ZBTB20: variants seen among roughly 807,000 people sequenced by gnomAD.
ZBTB20 encodes the protein zinc finger and BTB domain containing 20.
Under a neutral mutation model 56.9 loss-of-function variants are expected in ZBTB20, and 9 were observed. That is an observed-to-expected ratio of 0.16 (90% CI 0.10 to 0.28). The LOEUF is 0.28. Ranked by LOEUF, ZBTB20 falls within the 10% of genes least tolerant of loss-of-function variation. ZBTB20 has a pLI of 1.00. For synonymous variants in ZBTB20, 417 were observed against 420.7 expected (o/e 0.99, Z 0.11); for missense variants, 655 against 1,003.0 (o/e 0.65, Z 4.69).
intron 10 of ZBTB20, among the ~76,000 whole-genome samples, chr3:114,372,553 G>T (rs2083149908): frequency 6.6e-6 from 1 of 152,220 alleles, no homozygotes; most frequent in South Asian, 2.1e-4. Flanking sequence ...TCTGAGCCAG[G>T]TGTGGTGGCT....
chr3:114,499,940 A>G (rs751963702), intron 7 of ZBTB20, among the ~76,000 whole-genome samples: 5 of 152,228 alleles, frequency 3.3e-5, no homozygotes, highest in Non-Finnish European at 7.3e-5. Context: ...GCTCTGATCT[A>G]GAAGTTAAAA....
intron 6 of ZBTB20, among the ~76,000 whole-genome samples, chr3:114,623,130 A>G (rs13317384): frequency 0.18 from 26,648 of 152,184 alleles, 2,580 homozygotes; most frequent in Admixed American, 0.26. Flanking sequence ...GTAAGATGGA[A>G]TACCTCTAGA....
At chr3:114,919,451 T>C (rs544761028) in intron 3 of ZBTB20, among the ~76,000 whole-genome samples, 45 of 152,208 alleles carry the variant, frequency 3.0e-4, no homozygotes, top group African/African-American at 1.1e-3. Context: ...CTCATGCCTG[T>C]AATCCCAGCA....
rs943407099 is a variant in ZBTB20, at chr3:114,571,483, T to A, written c.-294-71092A>T. On this transcript the variant is annotated intron_variant, in intron 6 of 11. Coordinates refer to ENST00000675478, the MANE Select transcript of ZBTB20 (RefSeq NM_001348800.3). ...TTTTCCCAATTGACTCTGCCTTCCCTATTCTTTTTTTCTGCCTTCAGCGGG... is the reference window on the plus strand; with the variant it reads ...TTTTCCCAATTGACTCTGCCTTCCCAATTCTTTTTTTCTGCCTTCAGCGGG... Among the ~76,000 whole-genome samples the A allele has an allele frequency of 2.0e-5, 3 of 152,150 alleles. No individual in the cohort carries two copies. In the South Asian group the frequency reaches 6.2e-4, roughly 32 times the overall value.
Position 114,875,125 on chromosome 3 carries a change from C to T in ZBTB20, c.-417+25179G>A, listed in dbSNP as rs532439948. ...CCCATCTAGCTATGCCATTCACCGC[C>T]AGCACCTCTGCTCTCCTCGTGTGCT... On this transcript the variant is annotated intron_variant, in intron 4 of 11. Coordinates refer to ENST00000675478, the MANE Select transcript of ZBTB20 (RefSeq NM_001348800.3). 3.2e-4 allele frequency among the ~76,000 whole-genome samples: 48 copies of T among 152,250 alleles called. 1 individual carries two copies. The South Asian group carries it at 1.0e-2, about 32-fold the overall frequency.
At chr3:114,429,558 T>C (rs572121712) in intron 7 of ZBTB20, among the ~76,000 whole-genome samples, 23 of 152,270 alleles carry the variant, frequency 1.5e-4, no homozygotes, top group African/African-American at 5.5e-4. Context: ...TGAGAGGGTA[T>C]TGAGGTTGAG....
intron 7 of ZBTB20, among the ~76,000 whole-genome samples, chr3:114,446,854 T>G (rs377735599): frequency 5.6e-4 from 86 of 152,320 alleles, no homozygotes; most frequent in African/African-American, 1.9e-3. Context: ...CTTTTGGTAC[T>G]AAAGCCAAGA....
At position 115,105,417 on chromosome 3, in the gene ZBTB20, TTA is replaced by T. The variant is rs1303540310; in HGVS notation, c.-702-34005_-702-34004del. On this transcript the variant is annotated intron_variant, in intron 1 of 11. Transcript: ENST00000675478. ...GAACCCAGCCTGTCTAGCTTAGAGTTTATGTGTTTAATCCCTACACTATACTG... is the reference window on the plus strand; with the variant it reads ...GAACCCAGCCTGTCTAGCTTAGAGTTTGTGTTTAATCCCTACACTATACTG... 2.0e-5 allele frequency among the ~76,000 whole-genome samples: 3 copies of T among 152,110 alleles called. No individual in the cohort carries two copies. In the East Asian group the frequency reaches 5.8e-4, roughly 29 times the overall value.
At chr3:114,942,371 T>C (rs1247253747) in intron 3 of ZBTB20, among the ~76,000 whole-genome samples, 3 of 146,034 alleles carry the variant, frequency 2.1e-5, no homozygotes, top group Non-Finnish European at 4.4e-5. Context: ...GCAAATAAAC[T>C]TTTTGTACTC....
intron 6 of ZBTB20, among the ~76,000 whole-genome samples, chr3:114,539,064 T>G (rs2048810815): frequency 6.6e-6 from 1 of 152,162 alleles, no homozygotes. Flanking sequence ...TTTTAAATTT[T>G]GACATTTGGA....
At chr3:115,088,973 C>G (rs2083090671) in intron 1 of ZBTB20, among the ~76,000 whole-genome samples, 1 of 151,858 alleles carries the variant, frequency 6.6e-6, no homozygotes, top group Admixed American at 6.6e-5. Context: ...TTATTCACTT[C>G]AACTGATTTC....
chr3:114,959,073 C>T (rs1261745579), intron 3 of ZBTB20, among the ~76,000 whole-genome samples: 1 of 152,142 alleles, frequency 6.6e-6, no homozygotes, highest in Non-Finnish European at 1.5e-5. Flanking sequence ...GTCTCAACTA[C>T]TTTCCTTCCA....
chr3:114,979,372 G>GT lies in ZBTB20; in HGVS notation c.-506-4957dup, dbSNP rs2078239190. Among the ~76,000 whole-genome samples, 3 of 151,926 alleles carry GT rather than the reference G, an allele frequency of 2.0e-5. No individual in the cohort carries two copies. The South Asian group carries it at 6.2e-4, about 31-fold the overall frequency. On this transcript the variant is annotated intron_variant, in intron 2 of 11. Coordinates refer to ENST00000675478, the MANE Select transcript of ZBTB20 (RefSeq NM_001348800.3). The stretch of plus-strand genomic sequence containing the variant: ...TAGTATAAATTTCAATTAAGTAAAA[G>GT]TTTAAAGTAAGCAAATTTTAAGTAG...
At chr3:115,104,351 C>T (rs1219906721) in intron 1 of ZBTB20, among the ~76,000 whole-genome samples, 1 of 152,106 alleles carries the variant, frequency 6.6e-6, no homozygotes, top group African/African-American at 2.4e-5. Context: ...GGTATTTATG[C>T]AAAGGAATTG....
At chr3:114,613,814 G>C (rs1243181391) in intron 6 of ZBTB20, among the ~76,000 whole-genome samples, 3 of 152,110 alleles carry the variant, frequency 2.0e-5, no homozygotes, top group Non-Finnish European at 4.4e-5. Context: ...TATTAACCAT[G>C]ATCCTATAGC....
chr3:114,769,868 G>A (rs1285035856), intron 5 of ZBTB20, among the ~76,000 whole-genome samples: 1 of 151,922 alleles, frequency 6.6e-6, no homozygotes. Context: ...AGACCAGCCT[G>A]GCCCACATGG....
Position 114,333,231 on chromosome 3 carries a change from A to C in ZBTB20, c.*5774T>G, listed in dbSNP as rs1192303310. 1 of 152,194 alleles carries C rather than the reference A, an allele frequency of 6.6e-6. No individual in the cohort carries two copies. Among genetic ancestry groups the C allele is most frequent in the Non-Finnish European group, 1.5e-5 (1 of 68,030 alleles). 9.4% of individuals were successfully genotyped at this position (152,194 alleles called of 1,614,324 possible). ...GTCACCACAGCCTTTTTTCTTGTAA[A>C]GGTTTAAGTGATATCAGAAATAGCA... On this transcript the variant is annotated 3_prime_UTR_variant, in exon 12 of 12. Coordinates refer to ENST00000675478, the MANE Select transcript of ZBTB20 (RefSeq NM_001348800.3).
In ZBTB20 at chr3:115,019,941, A is replaced by T. The variant is rs565330888; in HGVS notation, c.-506-45525T>A. ...AGAAGAAATAAAATGCTTCCACAAA[A>T]ATAAGAACAACAAAAATTCAGGAGA... On this transcript the variant is annotated intron_variant, in intron 2 of 11. Coordinates refer to ENST00000675478, the MANE Select transcript of ZBTB20 (RefSeq NM_001348800.3). Among the ~76,000 whole-genome samples, 3 of 151,458 alleles carry T rather than the reference A, an allele frequency of 2.0e-5. No homozygotes were observed. In the South Asian group the frequency reaches 6.2e-4, roughly 31 times the overall value.
At chr3:114,813,501 A>C (rs2072703282) in intron 4 of ZBTB20, among the ~76,000 whole-genome samples, 1 of 152,228 alleles carries the variant, frequency 6.6e-6, no homozygotes, top group Non-Finnish European at 1.5e-5. Context: ...CTGTAATCCT[A>C]GCATTTTGCA....
Sources: gnomAD v4.1 joint callset for allele counts (sites outside exome capture counted in the v4.1 genomes callset) on GRCh38, gnomAD v4.1.1 for gene constraint, MANE v1.5 for transcripts, NCBI Gene and HGNC (gene_info 2026-07-23, HGNC 2026-07-21) for gene names.